PAK3: variants seen among roughly 807,000 people sequenced by gnomAD.
The protein encoded by PAK3 is p21 (RAC1) activated kinase 3.
A neutral mutation model predicts 41.0 loss-of-function variants in PAK3; 4 were observed. The ratio of observed to expected loss-of-function variants is 0.10; its 90% CI spans 0.05 to 0.22. The LOEUF is 0.22. Among genes scored for constraint, PAK3 ranks in the 10% least tolerant of loss-of-function variants. The pLI, the probability that PAK3 is intolerant of heterozygous loss-of-function variation, is 1.00. For missense variants in PAK3, 205 were observed against 409.9 expected, an observed-to-expected ratio of 0.50 and a Z score of 4.32; for synonymous variants, 146 against 139.6, an observed-to-expected ratio of 1.05 and a Z score of -0.32.
intron 1 of PAK3, among the ~76,000 whole-genome samples, chrX:111,072,562 A>T (rs1365087548): frequency 8.9e-6 from 1 of 112,558 alleles, no homozygotes; most frequent in Non-Finnish European, 1.9e-5. Flanking sequence ...GATTACATGA[A>T]ATGCATTATG....
rs763429629 is a variant in PAK3, at chrX:110,954,546, T to C, written c.-28+9918T>C. Reference sequence around the variant, plus strand: ...TACTATTAAGGGCTTCCTGTGGTAATAAGACTGTGTTACACCAAAGGGGAA... The same window carrying C: ...TACTATTAAGGGCTTCCTGTGGTAACAAGACTGTGTTACACCAAAGGGGAA... On this transcript the variant is annotated intron_variant, in intron 1 of 14. Transcript: ENST00000425146. Among the ~76,000 whole-genome samples the C allele has an allele frequency of 7.2e-5, 8 of 111,704 alleles. No homozygotes were observed. In the East Asian group the frequency reaches 2.0e-3, roughly 28 times the overall value.
intron 16 of PAK3, among the ~76,000 whole-genome samples, chrX:111,205,011 C>G (rs1603388337): frequency 1.1e-5 from 1 of 90,702 alleles, no homozygotes; most frequent in South Asian, 6.1e-4. Flanking sequence ...AAGGAACTTT[C>G]TAGTGTCTCT....
chrX:110,967,145 T>A (rs2091097592), intron 1 of PAK3, among the ~76,000 whole-genome samples: 1 of 112,561 alleles, frequency 8.9e-6, no homozygotes, highest in Non-Finnish European at 1.9e-5. Flanking sequence ...ATACCATGTG[T>A]CCCTGACTAC....
intron 1 of PAK3, among the ~76,000 whole-genome samples, chrX:111,052,804 A>C (rs2092570624): frequency 8.9e-6 from 1 of 112,540 alleles, no homozygotes; most frequent in South Asian, 3.7e-4. Context: ...GGAAGTGAAA[A>C]ATATTGTAAG....
At chrX:110,991,535 T>A (rs1262479383) in intron 1 of PAK3, among the ~76,000 whole-genome samples, 1 of 111,973 alleles carries the variant, frequency 8.9e-6, no homozygotes, top group East Asian at 2.8e-4. Context: ...GAGGATTAAA[T>A]GAGTTAATCC....
intron 1 of PAK3, among the ~76,000 whole-genome samples, chrX:110,968,983 T>C (rs1344837549): frequency 9.1e-6 from 1 of 110,167 alleles, no homozygotes; most frequent in Non-Finnish European, 1.9e-5. Flanking sequence ...AAATCTATGA[T>C]CTATGTTGAG....
At chrX:111,064,666 T>A (rs2092686979) in intron 1 of PAK3, among the ~76,000 whole-genome samples, 1 of 112,695 alleles carries the variant, frequency 8.9e-6, no homozygotes, top group Admixed American at 9.4e-5. Context: ...ATGGTGTATA[T>A]GTATCACATT....
chrX:111,192,120 T>A lies in PAK3; in HGVS notation c.831-7T>A. On this transcript the variant is annotated splice_region_variant and splice_polypyrimidine_tract_variant and intron_variant, in intron 11 of 17. Coordinates refer to ENST00000372007, the MANE Select transcript of PAK3 (RefSeq NM_002578.5). ...GCTTATTCTTTTGATAATTTTCACCTTCACAGGGCATCAGGTACTGTTTAT... is the reference window on the plus strand; with the variant it reads ...GCTTATTCTTTTGATAATTTTCACCATCACAGGGCATCAGGTACTGTTTAT... 9.3e-7 allele frequency: 1 copy of A among 1,070,417 alleles called. No individual in the cohort carries two copies. The highest frequency in any genetic ancestry group is 1.3e-6 in the Non-Finnish European group (1 of 767,879). The allele number at this position is 1,070,417 out of a possible 1,213,427, so 88.2% of individuals were successfully genotyped here. A position where few individuals can be genotyped will look rare whatever the true frequency, so the allele number is the denominator to read the frequency against.
intron 1 of PAK3, among the ~76,000 whole-genome samples, chrX:110,999,800 C>G (rs1162891929): frequency 9.1e-6 from 1 of 109,830 alleles, no homozygotes; most frequent in African/African-American, 3.3e-5. Flanking sequence ...ATGGTGAAAC[C>G]CTGTCTCCAC....
chrX:110,988,272 A>G (rs1189753475), intron 1 of PAK3, among the ~76,000 whole-genome samples: 1 of 111,710 alleles, frequency 9.0e-6, no homozygotes, highest in African/African-American at 3.3e-5. Flanking sequence ...GAGCACTGTT[A>G]TTCAAGCTGT....
rs977681707 is a variant in PAK3 at position 111,225,813 on chromosome X, A to G, written c.*5366A>G. 7.2e-5 allele frequency: 8 copies of G among 111,771 alleles called. No individual in the cohort carries two copies. Among genetic ancestry groups the G allele is most frequent in the African/African-American group, 2.0e-4 (6 of 30,713 alleles). The allele number at this position is 111,771 out of a possible 1,213,427, so 9.2% of individuals were successfully genotyped here. On this transcript the variant is annotated 3_prime_UTR_variant, in exon 18 of 18. Coordinates refer to ENST00000372007, the MANE Select transcript of PAK3 (RefSeq NM_002578.5). ...ATTCAGCCTGCTATAGTGATGGCAAATATCACGTTTAAGCCTGAGTCTCTT... is the reference window on the plus strand; with the variant it reads ...ATTCAGCCTGCTATAGTGATGGCAAGTATCACGTTTAAGCCTGAGTCTCTT...
chrX:111,179,178 A>G (rs993897216), intron 11 of PAK3, among the ~76,000 whole-genome samples: 2 of 109,668 alleles, frequency 1.8e-5, no homozygotes, highest in Non-Finnish European at 3.8e-5. Flanking sequence ...TGTCTTTAAC[A>G]TCATTCTTTT....
At chrX:111,217,766 C>G (rs2094894740) in intron 17 of PAK3, 1 of 205,688 alleles carries the variant, frequency 4.9e-6, no homozygotes, top group Non-Finnish European at 7.2e-6. Context: ...GAAAAGACAA[C>G]TTTTGAGTAC....
chrX:111,197,005 G>A (rs1403923144), intron 16 of PAK3, among the ~76,000 whole-genome samples: 1 of 108,686 alleles, frequency 9.2e-6, no homozygotes, highest in Admixed American at 9.9e-5. Flanking sequence ...TGGGGTTGGT[G>A]TACAGATTAT....
chrX:111,107,249 T>G (rs2093285052), intron 4 of PAK3, among the ~76,000 whole-genome samples: 1 of 112,164 alleles, frequency 8.9e-6, no homozygotes, highest in Admixed American at 9.4e-5. Context: ...CTTAATACCC[T>G]GTTAACCCTG....
chrX:110,963,583 C>A (rs753980965), intron 1 of PAK3, among the ~76,000 whole-genome samples: 47 of 112,513 alleles, frequency 4.2e-4, no homozygotes, highest in Non-Finnish European at 7.1e-4. Flanking sequence ...CTTGACTGAC[C>A]TAAGCCTCTA....
At chrX:111,077,454 A>T (rs899259516) in intron 1 of PAK3, among the ~76,000 whole-genome samples, 5 of 111,954 alleles carry the variant, frequency 4.5e-5, no homozygotes, top group African/African-American at 1.6e-4. Flanking sequence ...CTGGCATAAG[A>T]ATAGATATAT....
chrX:111,030,915 G>A (rs945555342), intron 1 of PAK3, among the ~76,000 whole-genome samples: 8 of 111,356 alleles, frequency 7.2e-5, no homozygotes, highest in Non-Finnish European at 1.5e-4. Context: ...ATTACAAGTC[G>A]GTTTGTAGTC....
chrX:111,006,831 T>TTCTA, intron 1 of PAK3, among the ~76,000 whole-genome samples: 1 of 13,840 alleles, frequency 7.2e-5, no homozygotes, highest in East Asian at 0.015. Flanking sequence ...CTTTCTTTCT[T>TTCTA]TCTTTCTTTC....
Sources: allele counts gnomAD v4.1 joint callset (sites outside exome capture counted in the v4.1 genomes callset), GRCh38; gene constraint gnomAD v4.1.1; transcripts MANE v1.5; gene names NCBI Gene and HGNC (gene_info 2026-07-23, HGNC 2026-07-21).